Variants in PUDP observed in about 807,000 individuals in gnomAD.
The protein encoded by PUDP is pseudouridine 5'-phosphatase.
Under a neutral mutation model 9.4 loss-of-function variants are expected in PUDP, and 8 were observed. The observed-to-expected ratio is 0.85, with a 90% confidence interval of 0.50 to 1.53. The LOEUF (loss-of-function observed/expected upper bound fraction) is 1.53, where lower values mean the gene tolerates loss of function less well. Ranked by LOEUF, PUDP falls within the 40% of genes most tolerant of loss-of-function variation. PUDP has a pLI of 0.00. For missense variants in PUDP, 188 were observed against 189.7 expected, an observed-to-expected ratio of 0.99 and a Z score of 0.05; for synonymous variants, 99 against 80.7, an observed-to-expected ratio of 1.23 and a Z score of -1.22.
At chrX:7,117,857 G>A (rs1375985248) in intron 1 of PUDP, among the ~76,000 whole-genome samples, 1 of 113,085 alleles carries the variant, frequency 8.8e-6, no homozygotes, top group East Asian at 2.8e-4. Context: ...CACGCCCAGG[G>A]CCCAGCTGCC....
At chrX:6,898,226 A>C (rs1444741846) in intron 3 of PUDP, among the ~76,000 whole-genome samples, 1 of 112,752 alleles carries the variant, frequency 8.9e-6, no homozygotes, top group African/African-American at 3.2e-5. Flanking sequence ...GAGCATCCTC[A>C]GCTCCCCATC....
At chrX:6,903,389 C>G (rs1452226955) in intron 3 of PUDP, among the ~76,000 whole-genome samples, 1 of 111,533 alleles carries the variant, frequency 9.0e-6, no homozygotes, top group Non-Finnish European at 1.9e-5. Context: ...CACAAAAGGT[C>G]TATTTATAAA....
At chrX:6,981,921 T>C (rs781058896) in intron 1 of PUDP, among the ~76,000 whole-genome samples, 4 of 109,412 alleles carry the variant, frequency 3.7e-5, no homozygotes, top group East Asian at 2.9e-4. Flanking sequence ...CAGGCCTTCA[T>C]GGTGACTGGC....
In PUDP at chrX:7,050,311, C is replaced by G; in HGVS notation, c.672G>C (p.Leu224Phe). Residue 224 changes from leucine (L) to phenylalanine (F), a missense_variant, in exon 4 of 4, where the codon TTG becomes TTC. Coordinates refer to ENST00000381077, the MANE Select transcript of PUDP (RefSeq NM_012080.5). Reference sequence around the variant, plus strand: ...GCCCTCCCTCTCACTCATAGGAGGGCAAACCAAACAGCTCGGGCTGGAAGT... The same window carrying G: ...GCCCTCCCTCTCACTCATAGGAGGGGAAACCAAACAGCTCGGGCTGGAAGT... Reference protein sequence around the residue: ...LQDFQPELFGLPSYE With the variant: ...LQDFQPELFGFPSYE The G allele has an allele frequency of 8.3e-6, 10 of 1,210,812 alleles. No homozygotes were observed. Among genetic ancestry groups the G allele is most frequent in the Non-Finnish European group, 1.1e-5 (10 of 894,938 alleles).
rs1040944137 is a variant in PUDP, at chrX:7,117,148, G to A, written c.62-11310C>T. ...ACAGAAAATTGGTACCAGAAGTGGC[G>A]TGTTGCTACAAGGATACCTGAAAAT... On this transcript the variant is annotated intron_variant, in intron 1 of 3. Transcript: ENST00000381077. 1.3e-5 allele frequency: 13 copies of A among 1,028,013 alleles called. 1 individual carries two copies. The Middle Eastern group carries it at 1.0e-3, about 81-fold the overall frequency. 84.7% of individuals were successfully genotyped at this position (1,028,013 alleles called of 1,213,427 possible).
intron 3 of PUDP, among the ~76,000 whole-genome samples, chrX:6,934,866 A>G (rs1336904627): frequency 1.1e-5 from 1 of 91,092 alleles, no homozygotes; most frequent in African/African-American, 4.1e-5. Flanking sequence ...TAAACCAACA[A>G]AGATCAAAAG....
chrX:7,003,011 C>T (rs1217664895), intron 1 of PUDP, among the ~76,000 whole-genome samples: 1 of 110,840 alleles, frequency 9.0e-6, no homozygotes, highest in Non-Finnish European at 1.9e-5. Flanking sequence ...GAGGACTGAA[C>T]TGAAACTGAA....
At chrX:7,130,766 G>A (rs1411479087) in intron 1 of PUDP, among the ~76,000 whole-genome samples, 1 of 111,651 alleles carries the variant, frequency 9.0e-6, no homozygotes, top group African/African-American at 3.3e-5. Flanking sequence ...CACACCAGTA[G>A]TCCCAGCTAC....
intron 3 of PUDP, among the ~76,000 whole-genome samples, chrX:6,748,329 T>C (rs1035644221): frequency 4.5e-5 from 5 of 112,053 alleles, no homozygotes; most frequent in Non-Finnish European, 3.8e-5. Flanking sequence ...AAAGATTTAA[T>C]ACAAATTCTT....
At chrX:6,727,043 T>C (rs1277709076) in intron 3 of PUDP, among the ~76,000 whole-genome samples, 1 of 111,716 alleles carries the variant, frequency 9.0e-6, no homozygotes, top group Non-Finnish European at 1.9e-5. Flanking sequence ...ATTACGATTA[T>C]GTAGTTTTTT....
intron 3 of PUDP, among the ~76,000 whole-genome samples, chrX:6,950,948 G>T (rs868612422): frequency 1.1e-5 from 1 of 87,461 alleles, no homozygotes; most frequent in Non-Finnish European, 2.5e-5. Context: ...GACCTTGGTT[G>T]TGTGTTTTTT....
At chrX:6,981,838 C>T (rs1929036839) in intron 1 of PUDP, among the ~76,000 whole-genome samples, 1 of 110,603 alleles carries the variant, frequency 9.0e-6, no homozygotes, top group Non-Finnish European at 1.9e-5. Context: ...TTTTAAAATT[C>T]GTATATTCAT....
chrX:6,776,700 T>C (rs1282678763), intron 3 of PUDP, among the ~76,000 whole-genome samples: 1 of 111,754 alleles, frequency 8.9e-6, no homozygotes, highest in Non-Finnish European at 1.9e-5. Context: ...TTTGCAATAG[T>C]TTCACTTCAC....
chrX:7,057,968 C>G lies in PUDP; in HGVS notation c.511-7496G>C, dbSNP rs1930293488. 1.3e-5 allele frequency: 6 copies of G among 444,905 alleles called. No homozygotes were observed. The Admixed American group carries it at 2.3e-4, about 17-fold the overall frequency. 36.7% of individuals were successfully genotyped at this position (444,905 alleles called of 1,213,427 possible). A position where few individuals can be genotyped will look rare whatever the true frequency, so the allele number is the denominator to read the frequency against. ...GTCTCACTTCCCGGTGATGCTTCCA[C>G]CTTTGGCTCCTCCCTGCTGCAAATC... On this transcript the variant is annotated intron_variant, in intron 3 of 3. Transcript: ENST00000381077.
chrX:6,801,005 A>G (rs1382635030), intron 3 of PUDP, among the ~76,000 whole-genome samples: 1 of 111,541 alleles, frequency 9.0e-6, no homozygotes, highest in Admixed American at 9.6e-5. Context: ...TTTGAGTCTG[A>G]TGGATGGAGG....
At chrX:6,884,812 T>C (rs1927399025) in intron 3 of PUDP, among the ~76,000 whole-genome samples, 1 of 112,367 alleles carries the variant, frequency 8.9e-6, no homozygotes, top group Non-Finnish European at 1.9e-5. Context: ...CCAATATTGG[T>C]TTCCGAAAGT....
At chrX:6,720,222 G>GTA (rs1434220234) in intron 1 of PUDP, among the ~76,000 whole-genome samples, 9 of 82,780 alleles carry the variant, frequency 1.1e-4, no homozygotes, top group African/African-American at 3.8e-4. Context: ...ATATATATGT[G>GTA]TATATATGTG....
intron 3 of PUDP, among the ~76,000 whole-genome samples, chrX:6,795,112 A>G (rs926755552): frequency 9.1e-6 from 1 of 110,243 alleles, no homozygotes; most frequent in African/African-American, 3.3e-5. Context: ...CTAGGCCTAC[A>G]AAGGGTTGGG....
chrX:7,132,202 G>A (rs1398275232), intron 1 of PUDP, among the ~76,000 whole-genome samples: 1 of 111,236 alleles, frequency 9.0e-6, no homozygotes, highest in East Asian at 2.8e-4. Flanking sequence ...AGTCAGTCGG[G>A]TTCATGAATC....
Sources: allele counts gnomAD v4.1 joint callset (sites outside exome capture counted in the v4.1 genomes callset), GRCh38; gene constraint gnomAD v4.1.1; transcripts MANE v1.5; gene names NCBI Gene and HGNC (gene_info 2026-07-23, HGNC 2026-07-21).